Variants in TOX observed in about 807,000 individuals in gnomAD.
The protein encoded by TOX is thymocyte selection associated high mobility group box.
Under a neutral mutation model 53.7 loss-of-function variants are expected in TOX, and 11 were observed. That is an observed-to-expected ratio of 0.20 (90% confidence interval 0.13 to 0.34). The LOEUF (loss-of-function observed/expected upper bound fraction) is 0.34. TOX is among the 10% of genes least tolerant of loss of function. The pLI, the probability that TOX is intolerant of heterozygous loss-of-function variation, is 1.00. For missense variants in TOX, 570 were observed against 664.6 expected (o/e 0.86, Z 1.56); for synonymous variants, 225 against 245.3 (o/e 0.92, Z 0.77).
At chr8:58,893,212 C>T (rs986144703) in intron 3 of TOX, among the ~76,000 whole-genome samples, 1 of 151,746 alleles carries the variant, frequency 6.6e-6, no homozygotes, top group Non-Finnish European at 1.5e-5. Flanking sequence ...CCATAATCTC[C>T]CCCCCACAAA....
chr8:58,997,149 T>C (rs1188357913), intron 1 of TOX, among the ~76,000 whole-genome samples: 7 of 152,202 alleles, frequency 4.6e-5, no homozygotes, highest in African/African-American at 1.7e-4. Flanking sequence ...AGGGAGACAC[T>C]GCCTTTTCCT....
At chr8:58,886,834 T>A (rs1811476867) in intron 3 of TOX, among the ~76,000 whole-genome samples, 1 of 151,846 alleles carries the variant, frequency 6.6e-6, no homozygotes, top group Non-Finnish European at 1.5e-5. Context: ...TGTTTTATAT[T>A]TTATTTTATG....
chr8:58,895,280 G>A (rs997835653), intron 3 of TOX, among the ~76,000 whole-genome samples: 3 of 152,128 alleles, frequency 2.0e-5, no homozygotes, highest in African/African-American at 7.2e-5. Context: ...TTTTAAAGTA[G>A]AGTTAGTCTT....
At chr8:59,070,767 A>C (rs1473679475) in intron 1 of TOX, among the ~76,000 whole-genome samples, 1 of 152,204 alleles carries the variant, frequency 6.6e-6, no homozygotes, top group African/African-American at 2.4e-5. Context: ...TTCATCTGAA[A>C]TATGTTTCAA....
At chr8:59,022,367 T>A (rs942412375) in intron 1 of TOX, among the ~76,000 whole-genome samples, 2 of 152,168 alleles carry the variant, frequency 1.3e-5, no homozygotes, top group African/African-American at 4.8e-5. Context: ...ATGTTCTATG[T>A]GAGAGCTTTA....
rs1586013460 is a variant in TOX at position 59,090,806 on chromosome 8, A to C, written c.102+28080T>G. ...GATTCCACCTCCTAGTGTGCTAAGT[A>C]ACCAGGGACATGGACTTGAGGAGCT... is the stretch of plus-strand genomic sequence containing the variant. On this transcript the variant is annotated intron_variant, in intron 1 of 8. Coordinates refer to ENST00000361421, the MANE Select transcript of TOX (RefSeq NM_014729.3). Among the ~76,000 whole-genome samples the C allele has an allele frequency of 2.0e-5, 3 of 152,298 alleles. No individual in the cohort carries two copies. The South Asian group carries it at 6.2e-4, about 32-fold the overall frequency.
intron 1 of TOX, among the ~76,000 whole-genome samples, chr8:59,038,497 A>G (rs1311391786): frequency 6.6e-6 from 1 of 152,214 alleles, no homozygotes; most frequent in Non-Finnish European, 1.5e-5. Flanking sequence ...TTCAGCCAAT[A>G]GTATCATTTT....
chr8:59,085,939 C>A (rs1444481254), intron 1 of TOX, among the ~76,000 whole-genome samples: 1 of 151,540 alleles, frequency 6.6e-6, no homozygotes, highest in Non-Finnish European at 1.5e-5. Context: ...CCAACAAAAC[C>A]CATAGAGTAC....
intron 1 of TOX, among the ~76,000 whole-genome samples, chr8:59,093,362 T>C (rs1444339145): frequency 6.6e-6 from 1 of 152,210 alleles, no homozygotes; most frequent in African/African-American, 2.4e-5. Context: ...CTTGTTCTTA[T>C]TTTAATTCCC....
intron 1 of TOX, among the ~76,000 whole-genome samples, chr8:59,055,581 T>C (rs569808179): frequency 2.6e-4 from 40 of 152,210 alleles, no homozygotes; most frequent in Non-Finnish European, 3.7e-4. Context: ...CCACTACATA[T>C]GGGAAATTTA....
At chr8:59,035,579 A>G (rs1563425369) in intron 1 of TOX, among the ~76,000 whole-genome samples, 1 of 152,362 alleles carries the variant, frequency 6.6e-6, no homozygotes, top group East Asian at 1.9e-4. Context: ...GAAGCCATGC[A>G]TTTCATTGCT....
At chr8:58,865,914 A>T (rs1297266832) in intron 3 of TOX, among the ~76,000 whole-genome samples, 2 of 139,622 alleles carry the variant, frequency 1.4e-5, no homozygotes, top group Non-Finnish European at 3.0e-5. Flanking sequence ...GGCTCACTGC[A>T]ACCTCCACCT....
At chr8:59,032,091 C>T (rs1814367345) in intron 1 of TOX, among the ~76,000 whole-genome samples, 1 of 152,148 alleles carries the variant, frequency 6.6e-6, no homozygotes, top group South Asian at 2.1e-4. Context: ...TCCATACGAG[C>T]TGCACTCATG....
chr8:58,989,988 T>C (rs760109738), intron 1 of TOX, among the ~76,000 whole-genome samples: 2 of 152,208 alleles, frequency 1.3e-5, no homozygotes, highest in African/African-American at 2.4e-5. Context: ...TCCTCAGTGC[T>C]GTATCCCAGC....
intron 2 of TOX, among the ~76,000 whole-genome samples, chr8:58,959,096 T>C (rs1301158121): frequency 6.6e-6 from 1 of 152,222 alleles, no homozygotes; most frequent in African/African-American, 2.4e-5. Context: ...CCATGGTTTT[T>C]ACCATTCTAG....
At chr8:59,029,964 C>G (rs1412057797) in intron 1 of TOX, among the ~76,000 whole-genome samples, 1 of 152,138 alleles carries the variant, frequency 6.6e-6, no homozygotes, top group African/African-American at 2.4e-5. Context: ...GGGTTTCTCT[C>G]ATCTTCTGAT....
chr8:58,887,872 A>G (rs141919517), intron 3 of TOX, among the ~76,000 whole-genome samples: 4 of 152,168 alleles, frequency 2.6e-5, no homozygotes, highest in Admixed American at 1.3e-4. Context: ...TTAGTTGCAC[A>G]CTTAGGTGTT....
intron 1 of TOX, among the ~76,000 whole-genome samples, chr8:59,000,254 G>A (rs2129418063): frequency 6.6e-6 from 1 of 152,270 alleles, no homozygotes; most frequent in East Asian, 1.9e-4. Context: ...TAATCAAATT[G>A]ATTGGCAGCA....
chr8:58,954,303 A>C (rs559544247), intron 2 of TOX, among the ~76,000 whole-genome samples: 1 of 152,342 alleles, frequency 6.6e-6, no homozygotes, highest in South Asian at 2.1e-4. Context: ...AAATGTCTGC[A>C]ATGCAGGGTC....
Sources: gnomAD v4.1 joint callset for allele counts (sites outside exome capture counted in the v4.1 genomes callset) on GRCh38, gnomAD v4.1.1 for gene constraint, MANE v1.5 for transcripts, NCBI Gene and HGNC (gene_info 2026-07-23, HGNC 2026-07-21) for gene names.